Variants in PIGL observed in about 807,000 individuals in gnomAD.
The protein encoded by PIGL is phosphatidylinositol glycan anchor biosynthesis class L, also known as N-acetylglucosaminyl-phosphatidylinositol de-N-acetylase.
In PIGL, 22 loss-of-function variants were observed where a neutral mutation model predicts 31.1. That is an observed-to-expected ratio of 0.71 (90% CI 0.51 to 1.01). The LOEUF (loss-of-function observed/expected upper bound fraction) is 1.01. Among genes scored for constraint, PIGL ranks in the 50% least tolerant of loss-of-function variants. PIGL has a pLI of 0.00. For synonymous variants in PIGL, 131 were observed against 117.4 expected (o/e 1.12, Z -0.75); for missense variants, 302 against 315.9 (o/e 0.96, Z 0.33).
Position 16,325,963 on chromosome 17 carries a change from T to C in PIGL, c.*65T>C. On this transcript the variant is annotated 3_prime_UTR_variant, in exon 7 of 7. Coordinates refer to ENST00000225609, the MANE Select transcript of PIGL (RefSeq NM_004278.4). ...AATAGACAAAGGAGTGCAGAGGACCTGGCCTGGCACTGGCTTATTTACCTG... is the reference window on the plus strand; with the variant it reads ...AATAGACAAAGGAGTGCAGAGGACCCGGCCTGGCACTGGCTTATTTACCTG... 4.2e-6 allele frequency: 5 copies of C among 1,186,594 alleles called. No individual in the cohort carries two copies. The highest frequency in any genetic ancestry group is 6.3e-6 in the Non-Finnish European group (5 of 795,236). The allele number at this position is 1,186,594 out of a possible 1,614,324, so 73.5% of individuals were successfully genotyped here.
At chr17:16,260,127 C>G (rs932663214) in intron 2 of PIGL, among the ~76,000 whole-genome samples, 7 of 152,196 alleles carry the variant, frequency 4.6e-5, no homozygotes, top group Non-Finnish European at 1.5e-5. Context: ...CGAGGGGGTG[C>G]TGAGGGCAGC....
intron 2 of PIGL, among the ~76,000 whole-genome samples, chr17:16,249,216 C>A (rs1307850500): frequency 6.6e-6 from 1 of 152,162 alleles, no homozygotes; most frequent in African/African-American, 2.4e-5. Context: ...AGTGCACTCA[C>A]GCCTGTAATC....
chr17:16,220,219 A>G (rs188870633), intron 1 of PIGL, among the ~76,000 whole-genome samples: 2 of 151,910 alleles, frequency 1.3e-5, no homozygotes, highest in African/African-American at 4.8e-5. Context: ...GTGGTGGTCC[A>G]CGCCTGTAGT....
intron 2 of PIGL, among the ~76,000 whole-genome samples, chr17:16,277,622 T>C (rs2092901147): frequency 6.6e-6 from 1 of 152,236 alleles, no homozygotes; most frequent in South Asian, 2.1e-4. Context: ...CTGAAAGTTT[T>C]TTCCTCTATT....
At chr17:16,301,575 T>C (rs1035827684) in intron 3 of PIGL, among the ~76,000 whole-genome samples, 3 of 148,192 alleles carry the variant, frequency 2.0e-5, no homozygotes. Flanking sequence ...TTTTAATTTT[T>C]TTTTTTTTTT....
rs569798277 is a variant in PIGL at position 16,276,942 on chromosome 17, A to G, written c.336-22946A>G. Among the ~76,000 whole-genome samples, 216 of 152,208 alleles carry G rather than the reference A, an allele frequency of 1.4e-3. 2 individuals are homozygous for G. The highest frequency in any genetic ancestry group is 1.7e-3 in the Non-Finnish European group (116 of 68,038). On this transcript the variant is annotated intron_variant, in intron 2 of 6. Coordinates refer to ENST00000225609, the MANE Select transcript of PIGL (RefSeq NM_004278.4). ...ACATAGGCTTTTAAAATCAGCTTTG[A>G]TGGAATTTTGTTCCTTAGAAGGAAT... is the stretch of plus-strand genomic sequence containing the variant.
At chr17:16,271,352 G>A (rs996297608) in intron 2 of PIGL, among the ~76,000 whole-genome samples, 1 of 152,124 alleles carries the variant, frequency 6.6e-6, no homozygotes, top group Non-Finnish European at 1.5e-5. Flanking sequence ...CCTTGTGTTA[G>A]ATTATCTCTG....
chr17:16,253,267 AAACAAC>A (rs780274424), intron 2 of PIGL, among the ~76,000 whole-genome samples: 1 of 152,108 alleles, frequency 6.6e-6, no homozygotes, highest in Non-Finnish European at 1.5e-5. Context: ...AAAAACAAAC[AAACAAC>A]AACAACAACA....
At chr17:16,306,711 T>C (rs1221228098) in intron 3 of PIGL, among the ~76,000 whole-genome samples, 1 of 152,004 alleles carries the variant, frequency 6.6e-6, no homozygotes, top group Non-Finnish European at 1.5e-5. Context: ...GTATTTTTAG[T>C]AGAGACGGGG....
intron 2 of PIGL, among the ~76,000 whole-genome samples, chr17:16,269,921 A>C (rs1299151060): frequency 1.3e-5 from 2 of 152,086 alleles, no homozygotes; most frequent in Non-Finnish European, 2.9e-5. Flanking sequence ...ATAATCTTAC[A>C]CTTCATTCAT....
chr17:16,265,229 G>A (rs2092837359), intron 2 of PIGL, among the ~76,000 whole-genome samples: 1 of 152,178 alleles, frequency 6.6e-6, no homozygotes, highest in Non-Finnish European at 1.5e-5. Flanking sequence ...ATATGGTAAG[G>A]TAACTAACGG....
At chr17:16,274,084 G>A (rs1191067595) in intron 2 of PIGL, among the ~76,000 whole-genome samples, 1 of 152,158 alleles carries the variant, frequency 6.6e-6, no homozygotes, top group Non-Finnish European at 1.5e-5. Context: ...TACTTAATCA[G>A]GACAGGCATT....
At chr17:16,275,534 T>A (rs1685881573) in intron 2 of PIGL, among the ~76,000 whole-genome samples, 1 of 152,142 alleles carries the variant, frequency 6.6e-6, no homozygotes, top group Non-Finnish European at 1.5e-5. Context: ...CAGCCCCTAT[T>A]CAAGATGGAA....
At chr17:16,314,698 C>T (rs1344058729) in intron 4 of PIGL, among the ~76,000 whole-genome samples, 1 of 152,176 alleles carries the variant, frequency 6.6e-6, no homozygotes, top group Non-Finnish European at 1.5e-5. Flanking sequence ...GCAGCCACAG[C>T]TTTAGAAGAG....
chr17:16,277,176 G>A (rs1402251577), intron 2 of PIGL, among the ~76,000 whole-genome samples: 2 of 152,088 alleles, frequency 1.3e-5, no homozygotes, highest in Admixed American at 6.5e-5. Context: ...TTTCCTAAGG[G>A]GCTTTTATTG....
At chr17:16,266,602 C>A (rs2092844258) in intron 2 of PIGL, among the ~76,000 whole-genome samples, 1 of 149,616 alleles carries the variant, frequency 6.7e-6, no homozygotes, top group African/African-American at 2.5e-5. Context: ...ATAATAGTTT[C>A]TTTTTTTTTC....
rs35568368 is a variant in PIGL, at chr17:16,292,032, C to CTT, written c.336-7837_336-7836dup. Among the ~76,000 whole-genome samples the CTT allele has an allele frequency of 1.2e-3, 152 of 122,238 alleles. 3 individuals carry two copies. Among genetic ancestry groups the CTT allele is most frequent in the Non-Finnish European group, 1.9e-3 (110 of 56,742 alleles). 80.2% of individuals were successfully genotyped at this position (122,238 alleles called of 152,430 possible). ...TTAGATTTTTCAAAGTAATGGAGCT[C>CTT]TTTTTTTTTTTTTTTTTTTTGAGAT... On this transcript the variant is annotated intron_variant, in intron 2 of 6. Transcript: ENST00000225609.
chr17:16,315,978 G>C (rs1001894583), intron 4 of PIGL, among the ~76,000 whole-genome samples: 1 of 151,954 alleles, frequency 6.6e-6, no homozygotes, highest in Non-Finnish European at 1.5e-5. Flanking sequence ...TTACAGGCGT[G>C]AGCCACCGCG....
chr17:16,320,270 GGA>G (rs1259820648), intron 6 of PIGL, among the ~76,000 whole-genome samples: 3 of 109,836 alleles, frequency 2.7e-5, no homozygotes, highest in Non-Finnish European at 5.6e-5. Flanking sequence ...AGGAAGGGGA[GGA>G]GAGGGGAGGG....
Sources: allele counts gnomAD v4.1 joint callset (sites outside exome capture counted in the v4.1 genomes callset), GRCh38; gene constraint gnomAD v4.1.1; transcripts MANE v1.5; gene names NCBI Gene and HGNC (gene_info 2026-07-23, HGNC 2026-07-21).